SRRM4: variants seen among roughly 807,000 people sequenced by gnomAD.
SRRM4 encodes serine/arginine repetitive matrix 4.
A neutral mutation model predicts 68.9 loss-of-function variants in SRRM4; 33 were observed. The observed-to-expected ratio is 0.48, with a 90% CI of 0.36 to 0.64. The LOEUF is 0.64. Ranked by LOEUF, SRRM4 falls within the 30% of genes least tolerant of loss-of-function variation. The pLI, the probability that SRRM4 is intolerant of heterozygous loss-of-function variation, is 0.00. For missense variants in SRRM4, 817 were observed against 827.1 expected, an observed-to-expected ratio of 0.99 and a Z score of 0.15; for synonymous variants, 318 against 318.8, an observed-to-expected ratio of 1.00 and a Z score of 0.03.
At chr12:119,130,542 G>A in intron 7 of SRRM4, 136 bp from the exon 8 acceptor site, 1 of 773,558 alleles carries the variant, frequency 1.3e-6, no homozygotes, top group Admixed American at 3.2e-5. Flanking sequence ...GACATACCTA[G>A]GAACAATATC....
At chr12:118,988,248 G>A (rs10851060) in intron 1 of SRRM4, among the ~76,000 whole-genome samples, 42,243 of 152,006 alleles carry the variant, frequency 0.28, 6,117 homozygotes, top group Non-Finnish European at 0.31. Context: ...TTTCATCAAC[G>A]TTATCTACAA....
At chr12:119,049,452 C>A (rs1953727524) in intron 1 of SRRM4, among the ~76,000 whole-genome samples, 1 of 152,134 alleles carries the variant, frequency 6.6e-6, no homozygotes, top group South Asian at 2.1e-4. Flanking sequence ...ATTAGCAGGA[C>A]TTGGCTTTAT....
chr12:119,022,909 C>T (rs1490875787), intron 1 of SRRM4, among the ~76,000 whole-genome samples: 1 of 152,190 alleles, frequency 6.6e-6, no homozygotes, highest in Admixed American at 6.5e-5. Flanking sequence ...TTTCCCCTCA[C>T]CACTGCAAGA....
chr12:119,074,392 C>T (rs1953896280), intron 1 of SRRM4, among the ~76,000 whole-genome samples: 1 of 152,064 alleles, frequency 6.6e-6, no homozygotes, highest in Non-Finnish European at 1.5e-5. Context: ...TCTTTGTGAG[C>T]CAACAAGGGT....
chr12:118,999,296 C>T (rs1594020271), intron 1 of SRRM4, among the ~76,000 whole-genome samples: 5 of 152,126 alleles, frequency 3.3e-5, no homozygotes, highest in Admixed American at 3.3e-4. Flanking sequence ...CTGCAGGAGC[C>T]GGATCTGCTG....
chr12:119,142,695 G>C (rs1357695765), intron 8 of SRRM4, among the ~76,000 whole-genome samples: 1 of 152,168 alleles, frequency 6.6e-6, no homozygotes, highest in East Asian at 1.9e-4. Context: ...GGATGGGCTT[G>C]TTGGATTCAC....
intron 1 of SRRM4, among the ~76,000 whole-genome samples, chr12:119,044,320 A>G (rs1953690882): frequency 6.6e-6 from 1 of 152,176 alleles, no homozygotes; most frequent in Admixed American, 6.5e-5. Context: ...TCTTGCCCTT[A>G]GATGCAGCTC....
intron 1 of SRRM4, among the ~76,000 whole-genome samples, chr12:119,061,808 TGCA>T (rs1953813900): frequency 6.6e-6 from 1 of 152,006 alleles, no homozygotes; most frequent in African/African-American, 2.4e-5. Flanking sequence ...ATAAGAGACT[TGCA>T]GCTTCCCTGG....
intron 8 of SRRM4, among the ~76,000 whole-genome samples, chr12:119,134,425 T>C (rs567169733): frequency 5.7e-4 from 87 of 151,810 alleles, no homozygotes; most frequent in Non-Finnish European, 1.1e-3. Flanking sequence ...AAAACACTCT[T>C]CCTGAACTCC....
At chr12:119,069,371 T>C (rs2136025435) in intron 1 of SRRM4, among the ~76,000 whole-genome samples, 1 of 152,298 alleles carries the variant, frequency 6.6e-6, no homozygotes. Context: ...GTGCCTTCCG[T>C]GATTCTGAAG....
chr12:119,025,489 G>A (rs923377688), intron 1 of SRRM4, among the ~76,000 whole-genome samples: 8 of 152,094 alleles, frequency 5.3e-5, no homozygotes, highest in African/African-American at 1.2e-4. Context: ...TTGTTGCCCA[G>A]GCTGGAGGGC....
Position 119,154,433 on chromosome 12 carries a change from C to G in SRRM4, c.1532+50C>G. On this transcript the variant is annotated intron_variant, in intron 12 of 12. Coordinates refer to ENST00000267260, the MANE Select transcript of SRRM4 (RefSeq NM_194286.4). This position sits in a 1 kb window ranked among gnomAD's most constrained non-coding sequence, Gnocchi z 4.7. The stretch of plus-strand genomic sequence containing the variant: ...CCACCTTCATCCTCGTTCCCACTCC[C>G]ATTCTTACTCATTCGAGCCTCAGGC... 1 of 1,590,100 alleles carries G rather than the reference C, an allele frequency of 6.3e-7. No homozygotes were observed. The highest frequency in any genetic ancestry group is 1.7e-5 in the Admixed American group (1 of 58,206).
chr12:119,099,243 T>C (rs1954063858), intron 1 of SRRM4, among the ~76,000 whole-genome samples: 1 of 152,222 alleles, frequency 6.6e-6, no homozygotes, highest in Non-Finnish European at 1.5e-5. Flanking sequence ...CAAGCGATTC[T>C]CCTGCCTCAG....
intron 1 of SRRM4, among the ~76,000 whole-genome samples, chr12:118,984,318 G>A (rs1953268266): frequency 6.6e-6 from 1 of 152,190 alleles, no homozygotes; most frequent in African/African-American, 2.4e-5. Context: ...TTCTCAAGAG[G>A]AAAGAAGACA....
chr12:119,105,987 T>C (rs1464428659), intron 2 of SRRM4, among the ~76,000 whole-genome samples: 3 of 152,228 alleles, frequency 2.0e-5, no homozygotes, highest in African/African-American at 7.2e-5. Flanking sequence ...AATTTTTGTA[T>C]AAGGTGTAAG....
At chr12:119,114,238 A>T in intron 2 of SRRM4, 40 bp from the exon 3 acceptor site, 1 of 1,570,884 alleles carries the variant, frequency 6.4e-7, no homozygotes, top group Non-Finnish European at 8.7e-7. Flanking sequence ...GAGTTGGGGA[A>T]CCATGAGTTA....
chr12:119,040,543 G>T (rs1953661605), intron 1 of SRRM4, among the ~76,000 whole-genome samples: 1 of 152,104 alleles, frequency 6.6e-6, no homozygotes, highest in Non-Finnish European at 1.5e-5. Flanking sequence ...CCTTTTTATG[G>T]CTGAGTAGTA....
rs1015818470 is a variant in SRRM4, at chr12:119,007,354, A to C, written c.131+25341A>C. On this transcript the variant is annotated intron_variant, in intron 1 of 12. Transcript: ENST00000267260. ...TATTACTGCGCAGGAGAACAAACAA[A>C]TATTTTGGAGTTTATCCTTCTAGAC... Among the ~76,000 whole-genome samples the C allele has an allele frequency of 1.3e-5, 2 of 152,208 alleles. 1 individual carries two copies. The highest frequency in any genetic ancestry group is 2.9e-5 in the Non-Finnish European group (2 of 68,030).
At chr12:119,074,683 G>A (rs564083265) in intron 1 of SRRM4, among the ~76,000 whole-genome samples, 1 of 152,236 alleles carries the variant, frequency 6.6e-6, no homozygotes, top group East Asian at 1.9e-4. Flanking sequence ...GTTAATCTGA[G>A]ATGACATCGA....
Sources: gnomAD v4.1 joint callset for allele counts (sites outside exome capture counted in the v4.1 genomes callset) on GRCh38, gnomAD v4.1.1 for gene constraint, Gnocchi (gnomAD v3.1) non-coding constraint, MANE v1.5 for transcripts, NCBI Gene and HGNC (gene_info 2026-07-23, HGNC 2026-07-21) for gene names.